Variants in UNC80 observed in about 807,000 individuals in gnomAD.
The protein encoded by UNC80 is unc-80 subunit of NALCN channel complex.
UNC80 carries 164 observed loss-of-function variants against 384.6 expected under a neutral mutation model. That is an observed-to-expected ratio of 0.43 (90% CI 0.38 to 0.49). The LOEUF (loss-of-function observed/expected upper bound fraction) is 0.49. UNC80 is among the 20% of genes least tolerant of loss of function. The pLI, the probability that UNC80 is intolerant of heterozygous loss-of-function variation, is 0.00. For synonymous variants in UNC80, 1,486 were observed against 1,527.8 expected, an observed-to-expected ratio of 0.97 and a Z score of 0.64; for missense variants, 3,330 against 4,143.0, an observed-to-expected ratio of 0.80 and a Z score of 5.39.
intron 31 of UNC80, 85 bp downstream of exon 31, chr2:209,914,025 C>T (rs1008956076): frequency 3.5e-6 from 5 of 1,435,602 alleles, no homozygotes; most frequent in Non-Finnish European, 4.6e-6. Context: ...TGTTTCCATT[C>T]TATTTTTGCT....
intron 61 of UNC80, among the ~76,000 whole-genome samples, chr2:209,989,902 AT>A (rs1186276308): frequency 6.6e-6 from 1 of 152,194 alleles, no homozygotes; most frequent in Middle Eastern, 3.2e-3. Context: ...AGCCTTCGAT[AT>A]TCCAAATATA....
chr2:209,808,750 T>A, intron 7 of UNC80: 2 of 42,020 alleles, frequency 4.8e-5, no homozygotes, highest in Non-Finnish European at 7.7e-5. Context: ...GCCTAGTGAG[T>A]GGGTCGCCTG....
intron 42 of UNC80, among the ~76,000 whole-genome samples, chr2:209,938,676 GTC>G (rs10555565): frequency 0.5 from 68,515 of 137,092 alleles, 17,629 homozygotes; most frequent in Non-Finnish European, 0.59. Context: ...CCTAGTCTCT[GTC>G]TCTCTCTCTC....
intron 28 of UNC80, among the ~76,000 whole-genome samples, chr2:209,899,734 T>C (rs1244135170): frequency 6.6e-6 from 1 of 152,114 alleles, no homozygotes; most frequent in Non-Finnish European, 1.5e-5. Flanking sequence ...TCTTGATGAG[T>C]CAGGAACTAC....
Position 209,872,917 on chromosome 2 carries a change from C to A in UNC80, c.3787C>A (p.Arg1263=), listed in dbSNP as rs864321622. The part of the protein sequence containing the change: ...RGRSPIVGNK[R]NQKLQWNAAK... ...ACGCTCTCCCATTGTGGGCAACAAG[C>A]GAAACCAGAAGCTGCAGTGGAATGC... is the stretch of plus-strand genomic sequence containing the variant. The change falls in exon 23 of 65, where the codon CGA becomes AGA. Residue 1263 remains arginine, a synonymous_variant. Coordinates refer to ENST00000673920, the MANE Select transcript of UNC80 (RefSeq NM_001371986.1). This position sits in a 1 kb window ranked among gnomAD's most constrained non-coding sequence, Gnocchi z 4.1. 4 of 1,551,450 alleles carry A rather than the reference C, an allele frequency of 2.6e-6. No homozygotes were observed. The East Asian group carries it at 7.3e-5, about 28-fold the overall frequency.
chr2:209,813,471 G>A, intron 7 of UNC80, 109 bp from the exon 8 acceptor site: 1 of 1,207,370 alleles, frequency 8.3e-7, no homozygotes, highest in African/African-American at 1.5e-5. Flanking sequence ...TAAGAAACAA[G>A]TAAATGAATA....
chr2:209,969,659 C>A, intron 52 of UNC80, 109 bp from the exon 53 acceptor site: 1 of 1,421,334 alleles, frequency 7.0e-7, no homozygotes, highest in Non-Finnish European at 9.4e-7. Flanking sequence ...AAACTTCATC[C>A]CAGAGACACA....
intron 21 of UNC80, among the ~76,000 whole-genome samples, chr2:209,843,318 A>C (rs1240364931): frequency 6.6e-6 from 1 of 152,234 alleles, no homozygotes; most frequent in Non-Finnish European, 1.5e-5. Flanking sequence ...TTCTGTTTTC[A>C]TATCACATAA....
intron 7 of UNC80, among the ~76,000 whole-genome samples, chr2:209,805,405 T>C (rs2078829244): frequency 6.6e-6 from 1 of 152,250 alleles, no homozygotes; most frequent in African/African-American, 2.4e-5. Context: ...TCCTAGCAGT[T>C]TAAAACAAAG....
rs534017713 is a variant in UNC80 at position 209,998,478 on chromosome 2, A to T, written c.*2883A>T. ...GGTGGAAAAATCTGTGGTACTGGTG[A>T]TCTGGTTAGGGCCTGTTGCACAGGC... is the stretch of plus-strand genomic sequence containing the variant. On this transcript the variant is annotated 3_prime_UTR_variant, in exon 65 of 65. Coordinates refer to ENST00000673920, the MANE Select transcript of UNC80 (RefSeq NM_001371986.1). The T allele has an allele frequency of 6.6e-6, 1 of 152,414 alleles. No homozygotes were observed. Among genetic ancestry groups the T allele is most frequent in the African/African-American group, 2.4e-5 (1 of 41,576 alleles). The allele number at this position is 152,414 out of a possible 1,614,324, so 9.4% of individuals were successfully genotyped here.
At chr2:209,944,674 G>A (rs1422470201) in intron 45 of UNC80, among the ~76,000 whole-genome samples, 1 of 152,036 alleles carries the variant, frequency 6.6e-6, no homozygotes, top group Non-Finnish European at 1.5e-5. Flanking sequence ...AGCGTTGTTA[G>A]TTAAAATAAG....
intron 25 of UNC80, among the ~76,000 whole-genome samples, chr2:209,883,562 C>T (rs1014182014): frequency 1.3e-5 from 2 of 151,452 alleles, no homozygotes; most frequent in African/African-American, 4.9e-5. Context: ...TCCCAAGTAG[C>T]TGGGACTACA....
At position 209,777,291 on chromosome 2, in the gene UNC80, A is replaced by C; in HGVS notation, c.332A>C (p.Lys111Thr). The change falls in exon 4 of 65, where the codon AAG (lysine) becomes ACG (threonine). Residue 111 changes from lysine to threonine, a missense_variant. Physicochemically the swap from Lys to Thr is moderately conservative, Grantham distance 78 (BLOSUM62 -1). Coordinates refer to ENST00000673920, the MANE Select transcript of UNC80 (RefSeq NM_001371986.1). ...HQDKLGVAETKLLHTLHWMLL... is the reference protein window; with the variant it reads ...HQDKLGVAETTLLHTLHWMLL... ...GATAAATTGGGTGTTGCTGAGACAA[A>C]GCTCCTTCACACTCTACACTGGATG... The C allele has an allele frequency of 6.2e-7, 1 of 1,604,332 alleles. No homozygotes were observed. The highest frequency in any genetic ancestry group is 8.5e-7 in the Non-Finnish European group (1 of 1,176,456).
intron 48 of UNC80, among the ~76,000 whole-genome samples, chr2:209,955,287 A>G (rs1024901614): frequency 6.6e-6 from 1 of 152,126 alleles, no homozygotes; most frequent in African/African-American, 2.4e-5. Context: ...TAGTCCAGGA[A>G]GGACTTTTTC....
chr2:209,964,891 A>G (rs2092700977), intron 51 of UNC80, among the ~76,000 whole-genome samples: 1 of 151,544 alleles, frequency 6.6e-6, no homozygotes, highest in Non-Finnish European at 1.5e-5. Context: ...ATTTTTTCCT[A>G]ATTTGTTAAA....
At chr2:209,843,177 C>T (rs559221520) in intron 21 of UNC80, among the ~76,000 whole-genome samples, 4 of 152,118 alleles carry the variant, frequency 2.6e-5, no homozygotes, top group Non-Finnish European at 5.9e-5. Context: ...AGATGATATG[C>T]TTTTCTACAA....
At chr2:209,852,347 TG>T (rs1455322435) in intron 22 of UNC80, among the ~76,000 whole-genome samples, 7 of 152,034 alleles carry the variant, frequency 4.6e-5, no homozygotes, top group African/African-American at 1.7e-4. Context: ...AGAGAGAATC[TG>T]GGTAGACATG....
intron 24 of UNC80, 88 bp from the exon 25 acceptor site, chr2:209,880,873 A>G (rs1574865975): frequency 3.1e-6 from 4 of 1,282,628 alleles, no homozygotes; most frequent in East Asian, 2.5e-5. Flanking sequence ...ATTTGATTCT[A>G]TACATGTGTA....
chr2:209,838,018 G>T (rs1366487062), intron 18 of UNC80, among the ~76,000 whole-genome samples: 1 of 152,054 alleles, frequency 6.6e-6, no homozygotes, highest in Non-Finnish European at 1.5e-5. Flanking sequence ...TGATCCGCCT[G>T]CCTCGGCCTC....
Sources: gnomAD v4.1 joint callset for allele counts (sites outside exome capture counted in the v4.1 genomes callset) on GRCh38, gnomAD v4.1.1 for gene constraint, Gnocchi (gnomAD v3.1) non-coding constraint, MANE v1.5 for transcripts, NCBI Gene and HGNC (gene_info 2026-07-23, HGNC 2026-07-21) for gene names.